CEP112: variants seen among roughly 807,000 people sequenced by gnomAD.
The protein encoded by CEP112 is centrosomal protein 112, also known as centrosomal protein of 112 kDa.
In CEP112, 127 loss-of-function variants were observed where a neutral mutation model predicts 153.0. That is an observed-to-expected ratio of 0.83 (90% CI 0.72 to 0.96). The LOEUF (loss-of-function observed/expected upper bound fraction) is 0.96, where lower values mean the gene tolerates loss of function less well. CEP112 is among the 40% of genes least tolerant of loss of function. CEP112 has a pLI of 0.00. For missense variants in CEP112, 1,089 were observed against 1,101.2 expected (o/e 0.99, Z 0.16); for synonymous variants, 358 against 374.4 (o/e 0.96, Z 0.51).
At chr17:65,755,399 AC>A (rs1313049543) in intron 21 of CEP112, among the ~76,000 whole-genome samples, 2 of 152,058 alleles carry the variant, frequency 1.3e-5, no homozygotes, top group African/African-American at 4.8e-5. Context: ...CTATGATCCA[AC>A]CACTTCCCAC....
At chr17:66,112,890 G>T (rs2069122703) in intron 6 of CEP112, among the ~76,000 whole-genome samples, 1 of 152,126 alleles carries the variant, frequency 6.6e-6, no homozygotes, top group Admixed American at 6.6e-5. Flanking sequence ...AGGTTTCAGT[G>T]AGCCAAGATC....
intron 17 of CEP112, among the ~76,000 whole-genome samples, chr17:65,985,012 A>G (rs2063352826): frequency 1.3e-5 from 2 of 152,228 alleles, no homozygotes; most frequent in Admixed American, 6.5e-5. Context: ...AAGTTTTGGT[A>G]ACATCAGGGA....
At chr17:65,657,711 T>C (rs1425271973) in intron 24 of CEP112, among the ~76,000 whole-genome samples, 1 of 152,200 alleles carries the variant, frequency 6.6e-6, no homozygotes, top group Non-Finnish European at 1.5e-5. Flanking sequence ...TAGGTGAGAC[T>C]CTTGAGGTTT....
intron 8 of CEP112, among the ~76,000 whole-genome samples, chr17:66,082,565 C>T (rs1324539982): frequency 6.6e-6 from 1 of 152,092 alleles, no homozygotes; most frequent in Non-Finnish European, 1.5e-5. Flanking sequence ...GAGTTCGAGA[C>T]CAGCCTGGCC....
intron 21 of CEP112, among the ~76,000 whole-genome samples, chr17:65,795,437 T>C (rs1305768490): frequency 6.6e-6 from 1 of 152,210 alleles, no homozygotes; most frequent in Non-Finnish European, 1.5e-5. Flanking sequence ...AACAGTAAGC[T>C]ATAAAGCAGG....
In CEP112 at chr17:65,667,403, G is replaced by T. The variant is rs565233754; in HGVS notation, c.2697+21726C>A. On this transcript the variant is annotated intron_variant, in intron 24 of 26. Coordinates refer to ENST00000535342, the MANE Select transcript of CEP112 (RefSeq NM_001199165.4). ...CACAACTCCAGGGCAATGGAGGGGGGAGTAAAATGACATATTCTGAGTTGG... is the reference window on the plus strand; with the variant it reads ...CACAACTCCAGGGCAATGGAGGGGGTAGTAAAATGACATATTCTGAGTTGG... Among the ~76,000 whole-genome samples, 91 of 152,240 alleles carry T rather than the reference G, an allele frequency of 6.0e-4. No individual in the cohort carries two copies. The South Asian group carries it at 0.017, about 28-fold the overall frequency.
chr17:65,881,401 GGT>G (rs34374244), intron 20 of CEP112, among the ~76,000 whole-genome samples: 14 of 150,416 alleles, frequency 9.3e-5, no homozygotes, highest in East Asian at 3.9e-4. Flanking sequence ...GCAGAAAACA[GGT>G]GTGTGTGTGT....
At chr17:66,016,035 G>C (rs1362455070) in intron 16 of CEP112, among the ~76,000 whole-genome samples, 1 of 152,140 alleles carries the variant, frequency 6.6e-6, no homozygotes, top group African/African-American at 2.4e-5. Flanking sequence ...CTATGTGATC[G>C]TAAGTCTGCT....
chr17:65,644,671 T>C (rs1380438340), intron 24 of CEP112: 1 of 153,842 alleles, frequency 6.5e-6, no homozygotes, highest in African/African-American at 2.4e-5. Flanking sequence ...AGTCTATCCA[T>C]TGCCTGCATA....
chr17:66,129,635 A>G (rs952410515), intron 6 of CEP112, 111 bp downstream of exon 6: 11 of 718,260 alleles, frequency 1.5e-5, no homozygotes, highest in Non-Finnish European at 2.3e-5. Flanking sequence ...ACAGTAACAT[A>G]TGTCTAACAT....
intron 17 of CEP112, among the ~76,000 whole-genome samples, chr17:65,964,723 T>G (rs1195896647): frequency 6.6e-6 from 1 of 152,100 alleles, no homozygotes; most frequent in African/African-American, 2.4e-5. Context: ...TGGCACTGTT[T>G]ACAAGGCACT....
intron 24 of CEP112, among the ~76,000 whole-genome samples, chr17:65,665,079 C>T (rs75477751): frequency 1.6e-3 from 245 of 152,332 alleles, no homozygotes; most frequent in African/African-American, 3.8e-3. Flanking sequence ...GCCCCATCTC[C>T]GATACCATCA....
chr17:66,042,172 A>G (rs1357029512), intron 12 of CEP112, among the ~76,000 whole-genome samples: 2 of 152,058 alleles, frequency 1.3e-5, no homozygotes, highest in Non-Finnish European at 2.9e-5. Flanking sequence ...AACATGGCAA[A>G]ACCCTGTCTC....
At chr17:66,077,959 G>A (rs1252281737) in intron 8 of CEP112, among the ~76,000 whole-genome samples, 1 of 152,184 alleles carries the variant, frequency 6.6e-6, no homozygotes, top group Non-Finnish European at 1.5e-5. Flanking sequence ...CCAATGTCTA[G>A]AAGGGATTTT....
At chr17:65,740,739 A>G (rs376623634) in intron 23 of CEP112, among the ~76,000 whole-genome samples, 1 of 152,268 alleles carries the variant, frequency 6.6e-6, no homozygotes. Context: ...ATCTGCAGAC[A>G]AATGTATTTG....
chr17:65,653,368 T>C (rs532352041), intron 24 of CEP112, among the ~76,000 whole-genome samples: 3 of 152,266 alleles, frequency 2.0e-5, no homozygotes, highest in African/African-American at 7.2e-5. Flanking sequence ...TTCTACTCCT[T>C]GTGGATTATT....
intron 24 of CEP112, among the ~76,000 whole-genome samples, chr17:65,671,597 C>T (rs1450505851): frequency 4.6e-5 from 7 of 152,038 alleles, no homozygotes; most frequent in Admixed American, 1.3e-4. Context: ...CAACACACAA[C>T]ATATATATGT....
intron 6 of CEP112, among the ~76,000 whole-genome samples, chr17:66,120,170 C>G (rs1360487658): frequency 1.3e-5 from 2 of 152,096 alleles, no homozygotes; most frequent in East Asian, 3.9e-4. Flanking sequence ...TCAGTGAAAC[C>G]ATGCAGGCCT....
At chr17:66,151,193 T>G (rs1403322698) in intron 4 of CEP112, among the ~76,000 whole-genome samples, 2 of 152,228 alleles carry the variant, frequency 1.3e-5, no homozygotes, top group Non-Finnish European at 2.9e-5. Context: ...TTTAATGTAA[T>G]TATTTATGGT....
Sources: gnomAD v4.1 joint callset for allele counts (sites outside exome capture counted in the v4.1 genomes callset) on GRCh38, gnomAD v4.1.1 for gene constraint, MANE v1.5 for transcripts, NCBI Gene and HGNC (gene_info 2026-07-23, HGNC 2026-07-21) for gene names.